UST: variants seen among roughly 807,000 people sequenced by gnomAD.
UST encodes the protein chondroitin sulfate 2-O-sulfotransferase.
UST carries 21 observed loss-of-function variants against 45.6 expected under a neutral mutation model. The ratio of observed to expected loss-of-function variants is 0.46; its 90% CI spans 0.33 to 0.66. The LOEUF is 0.66. Among genes scored for constraint, UST ranks in the 30% least tolerant of loss-of-function variants. The pLI, the probability that UST is intolerant of heterozygous loss-of-function variation, is 0.02. For missense variants in UST, 463 were observed against 512.4 expected (o/e 0.90, Z 0.93); for synonymous variants, 215 against 200.6 (o/e 1.07, Z -0.61).
chr6:148,983,677 T>C (rs1029747232), intron 5 of UST, among the ~76,000 whole-genome samples: 1 of 152,146 alleles, frequency 6.6e-6, no homozygotes, highest in Non-Finnish European at 1.5e-5. Flanking sequence ...AAGAAGAAAT[T>C]TGTGAAGTAC....
chr6:148,789,809 G>C (rs1776804842), intron 1 of UST, among the ~76,000 whole-genome samples: 1 of 152,008 alleles, frequency 6.6e-6, no homozygotes, highest in Non-Finnish European at 1.5e-5. Context: ...TGTTGGCCAG[G>C]CTGGTCTCGA....
At chr6:148,888,707 C>T (rs1562290318) in intron 2 of UST, among the ~76,000 whole-genome samples, 1 of 152,200 alleles carries the variant, frequency 6.6e-6, no homozygotes, top group South Asian at 2.1e-4. Context: ...ATGAGTGGTA[C>T]AGCAGTATTT....
intron 2 of UST, among the ~76,000 whole-genome samples, chr6:148,931,549 C>T (rs1443362348): frequency 6.6e-6 from 1 of 152,190 alleles, no homozygotes; most frequent in African/African-American, 2.4e-5. Flanking sequence ...AATGGAACAA[C>T]TGCAAACTAG....
At position 148,900,411 on chromosome 6, in the gene UST, G is replaced by T. The variant is rs552201573; in HGVS notation, c.291+13382G>T. ...AGTGGGAGGCAATTGAATCATGAGG[G>T]TAGGTCTTTCCTTTGCTATTCTCGT... On this transcript the variant is annotated intron_variant, in intron 2 of 7. Coordinates refer to ENST00000367463, the MANE Select transcript of UST (RefSeq NM_005715.3). Among the ~76,000 whole-genome samples the T allele has an allele frequency of 3.8e-4, 58 of 152,310 alleles. No homozygotes were observed. In the Middle Eastern group the frequency reaches 0.014, roughly 36 times the overall value.
intron 1 of UST, among the ~76,000 whole-genome samples, chr6:148,874,131 AC>A (rs1778607997): frequency 6.6e-6 from 1 of 152,246 alleles, no homozygotes; most frequent in South Asian, 2.1e-4. Context: ...ATGGAATGAA[AC>A]AGAAGCCTTA....
At chr6:148,917,910 G>A (rs7749087) in intron 2 of UST, among the ~76,000 whole-genome samples, 3 of 152,186 alleles carry the variant, frequency 2.0e-5, no homozygotes, top group East Asian at 1.9e-4. Flanking sequence ...AGAAATGACC[G>A]AAGCAGCATT....
At chr6:149,019,294 AC>A in intron 6 of UST, 58 bp downstream of exon 6, 1 of 1,319,108 alleles carries the variant, frequency 7.6e-7, no homozygotes, top group Non-Finnish European at 1.1e-6. Context: ...CAAGAACCCC[AC>A]CAGCCTGGTA....
chr6:148,979,876 C>A (rs1781095397), intron 5 of UST, among the ~76,000 whole-genome samples: 1 of 152,194 alleles, frequency 6.6e-6, no homozygotes, highest in Non-Finnish European at 1.5e-5. Flanking sequence ...TTATTTCCAG[C>A]TGCTTCCCTC....
At chr6:148,855,333 G>A (rs1253210660) in intron 1 of UST, among the ~76,000 whole-genome samples, 1 of 152,152 alleles carries the variant, frequency 6.6e-6, no homozygotes, top group Non-Finnish European at 1.5e-5. Flanking sequence ...CTCTCATAGT[G>A]CTCTAACAAT....
At position 148,886,480 on chromosome 6, in the gene UST, C is replaced by T. The variant is rs116993149; in HGVS notation, c.248-506C>T. 6.4e-4 allele frequency among the ~76,000 whole-genome samples: 98 copies of T among 152,250 alleles called. No homozygotes were observed. In the East Asian group the frequency reaches 0.013, roughly 20 times the overall value. On this transcript the variant is annotated intron_variant, in intron 1 of 7. Coordinates refer to ENST00000367463, the MANE Select transcript of UST (RefSeq NM_005715.3). ...CTATTAGTGAAGACAAATCAAGCTC[C>T]GGAAGCAAGCTAGCCTGAAGAGAGA...
chr6:148,882,686 A>G (rs553651567), intron 1 of UST, among the ~76,000 whole-genome samples: 3 of 152,186 alleles, frequency 2.0e-5, no homozygotes, highest in African/African-American at 4.8e-5. Context: ...TGTCAACAGT[A>G]GTCAGCCTGT....
Position 148,888,169 on chromosome 6 carries a change from G to A in UST, c.291+1140G>A, listed in dbSNP as rs190951811. 2.2e-4 allele frequency among the ~76,000 whole-genome samples: 33 copies of A among 152,262 alleles called. No individual in the cohort carries two copies. The East Asian group carries it at 3.3e-3, about 15-fold the overall frequency. On this transcript the variant is annotated intron_variant, in intron 2 of 7. Coordinates refer to ENST00000367463, the MANE Select transcript of UST (RefSeq NM_005715.3). ...GGTGGAAGGCAGAGAGGAAGCAGGC[G>A]CATCTTACGTGGCCAGAGCAGGAAC... is the stretch of plus-strand genomic sequence containing the variant.
intron 1 of UST, among the ~76,000 whole-genome samples, chr6:148,836,192 G>T (rs1777783701): frequency 1.3e-5 from 2 of 152,214 alleles, no homozygotes; most frequent in African/African-American, 4.8e-5. Context: ...CTGCAGCTAC[G>T]TGTGCTCAAA....
rs34110477 is a variant in UST, at chr6:148,913,423, C to CTTTTTTTTTTT, written c.291+26409_291+26419dup. ...ACAGTCCGTATTTGGGACCAAAAAT[C>CTTTTTTTTTTT]TTTTTTTTTTTTTTTTTTTTTTTTT... On this transcript the variant is annotated intron_variant, in intron 2 of 7. Coordinates refer to ENST00000367463, the MANE Select transcript of UST (RefSeq NM_005715.3). 2.1e-4 allele frequency among the ~76,000 whole-genome samples: 17 copies of CTTTTTTTTTTT among 79,866 alleles called. 2 individuals carry two copies. Among genetic ancestry groups the CTTTTTTTTTTT allele is most frequent in the African/African-American group, 3.5e-4 (7 of 19,954 alleles). The allele number at this position is 79,866 out of a possible 152,430, so 52.4% of individuals were successfully genotyped here.
At chr6:148,898,003 C>G (rs751938947) in intron 2 of UST, among the ~76,000 whole-genome samples, 11 of 151,144 alleles carry the variant, frequency 7.3e-5, no homozygotes, top group Non-Finnish European at 1.3e-4. Flanking sequence ...ACCAAAAGTC[C>G]TTTAAAAAAA....
chr6:149,047,402 A>G (rs1333221546), intron 7 of UST, among the ~76,000 whole-genome samples: 1 of 152,274 alleles, frequency 6.6e-6, no homozygotes, highest in African/African-American at 2.4e-5. Flanking sequence ...GGATTTCATT[A>G]GAAATCCAAT....
At chr6:148,776,797 T>C (rs1474942077) in intron 1 of UST, among the ~76,000 whole-genome samples, 1 of 152,190 alleles carries the variant, frequency 6.6e-6, no homozygotes, top group African/African-American at 2.4e-5. Flanking sequence ...CGTAAGACAT[T>C]GTTTCTGGAA....
At chr6:148,935,247 T>C (rs561144552) in intron 2 of UST, among the ~76,000 whole-genome samples, 10 of 152,308 alleles carry the variant, frequency 6.6e-5, no homozygotes, top group African/African-American at 2.4e-4. Context: ...AAATATATAA[T>C]TCATAGAATG....
At chr6:148,990,560 G>T (rs1480108385) in intron 5 of UST, 2 of 381,600 alleles carry the variant, frequency 5.2e-6, no homozygotes, top group Non-Finnish European at 7.2e-6. Flanking sequence ...GCCCACGAAA[G>T]CTTTACTTTG....
Sources: allele counts gnomAD v4.1 joint callset (sites outside exome capture counted in the v4.1 genomes callset), GRCh38; gene constraint gnomAD v4.1.1; transcripts MANE v1.5; gene names NCBI Gene and HGNC (gene_info 2026-07-23, HGNC 2026-07-21).